The following CADM1 variants were observed in gnomAD, a reference collection of about 807,000 sequenced individuals.
CADM1 encodes the protein cell adhesion molecule 1.
CADM1 carries 15 observed loss-of-function variants against 53.1 expected under a neutral mutation model. The ratio of observed to expected loss-of-function variants is 0.28; its 90% CI spans 0.19 to 0.44. The LOEUF is 0.44. Ranked by LOEUF, CADM1 falls within the 20% of genes least tolerant of loss-of-function variation. CADM1 has a pLI of 1.00. For missense variants in CADM1, 434 were observed against 611.3 expected (o/e 0.71, Z 3.06); for synonymous variants, 281 against 243.0 (o/e 1.16, Z -1.45).
At chr11:115,345,400 A>C (rs1945550925) in intron 1 of CADM1, among the ~76,000 whole-genome samples, 1 of 152,204 alleles carries the variant, frequency 6.6e-6, no homozygotes, top group African/African-American at 2.4e-5. Flanking sequence ...GGGACAGGAC[A>C]AGGTTAAGAG....
chr11:115,428,005 C>CAAAAAA (rs66872817), intron 1 of CADM1, among the ~76,000 whole-genome samples: 3 of 54,030 alleles, frequency 5.6e-5, no homozygotes, highest in Non-Finnish European at 9.0e-5. Flanking sequence ...GACTCCATCT[C>CAAAAAA]AAAAAAAAAA....
At chr11:115,492,313 T>C (rs1251316025) in intron 1 of CADM1, among the ~76,000 whole-genome samples, 1 of 152,134 alleles carries the variant, frequency 6.6e-6, no homozygotes, top group African/African-American at 2.4e-5. Context: ...ACAAGAAATG[T>C]ATGAAATTGG....
chr11:115,227,921 T>C (rs1438112342), intron 5 of CADM1, among the ~76,000 whole-genome samples: 3 of 152,246 alleles, frequency 2.0e-5, no homozygotes, highest in Non-Finnish European at 4.4e-5. Flanking sequence ...CCTTGGAATC[T>C]GTGACTGTAG....
intron 1 of CADM1, among the ~76,000 whole-genome samples, chr11:115,490,078 A>G (rs1949458330): frequency 6.6e-6 from 1 of 152,206 alleles, no homozygotes; most frequent in African/African-American, 2.4e-5. Context: ...AAAAACATTT[A>G]AAGTTTTGAG....
At chr11:115,380,658 C>T (rs1308962082) in intron 1 of CADM1, among the ~76,000 whole-genome samples, 2 of 152,116 alleles carry the variant, frequency 1.3e-5, no homozygotes, top group Admixed American at 6.6e-5. Flanking sequence ...CTATGGCTGT[C>T]GAGGCCCTCT....
At position 115,221,622 on chromosome 11, in the gene CADM1, T is replaced by G. The variant is rs190501203; in HGVS notation, c.722-3631A>C. Among the ~76,000 whole-genome samples, 334 of 152,352 alleles carry G rather than the reference T, an allele frequency of 2.2e-3. 1 individual carries two copies. The highest frequency in any genetic ancestry group is 0.017 in the Middle Eastern group (5 of 294). On this transcript the variant is annotated intron_variant, in intron 5 of 11. Transcript: ENST00000331581. ...TGACCTTGCACCACATTCTGTGATC[T>G]TTTCAGAAGATGAAACTCAAGATTC...
chr11:115,422,137 T>C (rs897334610), intron 1 of CADM1, among the ~76,000 whole-genome samples: 5 of 152,136 alleles, frequency 3.3e-5, no homozygotes, highest in Non-Finnish European at 7.4e-5. Flanking sequence ...TGTCCACAGG[T>C]GTGTCCAGGC....
At chr11:115,385,124 T>TTA (rs1374020456) in intron 1 of CADM1, among the ~76,000 whole-genome samples, 3 of 151,692 alleles carry the variant, frequency 2.0e-5, no homozygotes, top group Non-Finnish European at 2.9e-5. Flanking sequence ...CATACTCATT[T>TTA]TAGTTTTTAC....
At chr11:115,221,461 G>C (rs1941403010) in intron 5 of CADM1, among the ~76,000 whole-genome samples, 1 of 152,142 alleles carries the variant, frequency 6.6e-6, no homozygotes, top group African/African-American at 2.4e-5. Flanking sequence ...AATAATATTA[G>C]AAAGACATTC....
intron 1 of CADM1, among the ~76,000 whole-genome samples, chr11:115,493,965 T>C (rs1237825500): frequency 6.6e-6 from 1 of 152,170 alleles, no homozygotes; most frequent in Non-Finnish European, 1.5e-5. Flanking sequence ...ACAAAGTAAC[T>C]GGGGAAATAT....
intron 1 of CADM1, among the ~76,000 whole-genome samples, chr11:115,270,004 G>C (rs1174274110): frequency 6.6e-6 from 1 of 152,184 alleles, no homozygotes; most frequent in Non-Finnish European, 1.5e-5. Flanking sequence ...GGAAGGTTTA[G>C]GCGACGAAGA....
intron 1 of CADM1, among the ~76,000 whole-genome samples, chr11:115,293,391 C>G (rs112144739): frequency 0.015 from 2,347 of 152,242 alleles, 17 homozygotes; most frequent in Non-Finnish European, 0.024. Flanking sequence ...GGAGATGGCG[C>G]CACTGCACCC....
chr11:115,262,004 C>A (rs1296003616), intron 1 of CADM1, among the ~76,000 whole-genome samples: 1 of 152,140 alleles, frequency 6.6e-6, no homozygotes, highest in Non-Finnish European at 1.5e-5. Flanking sequence ...TGGTCTCGAT[C>A]TCCTGACCTC....
intron 1 of CADM1, among the ~76,000 whole-genome samples, chr11:115,432,132 A>G (rs1288569246): frequency 6.6e-6 from 1 of 151,988 alleles, no homozygotes. Flanking sequence ...TTTTTAGTAG[A>G]GATGGGGTTT....
At chr11:115,318,013 CACAA>C (rs755132103) in intron 1 of CADM1, among the ~76,000 whole-genome samples, 12 of 142,510 alleles carry the variant, frequency 8.4e-5, no homozygotes, top group African/African-American at 1.1e-4. Flanking sequence ...CACACACACA[CACAA>C]TAAAAGTAAA....
rs185735839 is a variant in CADM1 at position 115,261,969 on chromosome 11, C to T, written c.125-21549G>A. ...TAATTTTTTGTATTTTTAGTAGAGA[C>T]GGGGTTTCACCATGTTAGCCAGGAT... is the stretch of plus-strand genomic sequence containing the variant. On this transcript the variant is annotated intron_variant, in intron 1 of 11. Transcript: ENST00000331581. Among the ~76,000 whole-genome samples the T allele has an allele frequency of 4.9e-4, 75 of 152,018 alleles. No homozygotes were observed. The East Asian group carries it at 0.011, about 23-fold the overall frequency.
intron 1 of CADM1, among the ~76,000 whole-genome samples, chr11:115,293,438 GA>G (rs796127566): frequency 2.0e-5 from 3 of 146,848 alleles, no homozygotes; most frequent in Non-Finnish European, 4.5e-5. Flanking sequence ...GTCTCAAAAA[GA>G]AAAAAAAAAG....
At chr11:115,360,072 T>C (rs1013977836) in intron 1 of CADM1, among the ~76,000 whole-genome samples, 2 of 152,204 alleles carry the variant, frequency 1.3e-5, no homozygotes, top group African/African-American at 2.4e-5. Context: ...ATTAATCATG[T>C]AGAGGAGAGG....
chr11:115,328,004 T>C (rs1945005364), intron 1 of CADM1, among the ~76,000 whole-genome samples: 1 of 152,150 alleles, frequency 6.6e-6, no homozygotes, highest in African/African-American at 2.4e-5. Context: ...TCTACCGCTC[T>C]ACAAAGCATT....
Sources: gnomAD v4.1 joint callset for allele counts (sites outside exome capture counted in the v4.1 genomes callset) on GRCh38, gnomAD v4.1.1 for gene constraint, MANE v1.5 for transcripts, NCBI Gene and HGNC (gene_info 2026-07-23, HGNC 2026-07-21) for gene names.